Variants in ZMYM6 observed in about 807,000 individuals in gnomAD.
ZMYM6 encodes the protein zinc finger MYM-type protein 6.
ZMYM6 carries 90 observed loss-of-function variants against 134.0 expected under a neutral mutation model. The ratio of observed to expected loss-of-function variants is 0.67; its 90% confidence interval spans 0.57 to 0.80. ZMYM6 has a LOEUF of 0.80. Among genes scored for constraint, ZMYM6 ranks in the 30% least tolerant of loss-of-function variants. The pLI is 0.00. For synonymous variants in ZMYM6, 481 were observed against 524.1 expected (o/e 0.92, Z 1.12); for missense variants, 1,362 against 1,533.9 (o/e 0.89, Z 1.87).
intron 4 of ZMYM6, among the ~76,000 whole-genome samples, chr1:35,016,880 C>CAG (rs1287190913): frequency 3.3e-5 from 5 of 151,552 alleles, no homozygotes; most frequent in Non-Finnish European, 5.9e-5. Context: ...TGGCTCATGC[C>CAG]CATGGTCTCA....
chr1:34,996,632 T>C (rs987618792), intron 14 of ZMYM6, among the ~76,000 whole-genome samples: 1 of 152,226 alleles, frequency 6.6e-6, no homozygotes, highest in Non-Finnish European at 1.5e-5. Context: ...TTGTGTCTTT[T>C]TTCACTTATG....
intron 14 of ZMYM6, among the ~76,000 whole-genome samples, chr1:34,995,216 T>G (rs1199080259): frequency 6.7e-6 from 1 of 148,368 alleles, no homozygotes; most frequent in Non-Finnish European, 1.5e-5. Flanking sequence ...CTAAGTGCTC[T>G]CTCTCTATAT....
chr1:35,019,493 T>G lies in ZMYM6; in HGVS notation c.288A>C (p.Lys96Asn). ...VAIKVFCSGC[K>N]KMLYKGQTAY... ...CAGTTTGGCCCTTATAAAGCATTTTTTTACAACCAGAACAAAAAACCTTAA... is the reference window on the plus strand; with the variant it reads ...CAGTTTGGCCCTTATAAAGCATTTTGTTACAACCAGAACAAAAAACCTTAA... Residue 96 changes from lysine to asparagine, a missense_variant, in exon 4 of 16, where the codon AAA becomes AAC. Lys to Asn is a moderately conservative substitution (Grantham distance 94). Coordinates refer to ENST00000357182, the MANE Select transcript of ZMYM6 (RefSeq NM_007167.4). The G allele has an allele frequency of 3.1e-6, 5 of 1,614,132 alleles. No individual in the cohort carries two copies. Among genetic ancestry groups the G allele is most frequent in the Non-Finnish European group, 4.2e-6 (5 of 1,180,022 alleles).
At chr1:35,028,858 T>C (rs1027569419) in intron 2 of ZMYM6, among the ~76,000 whole-genome samples, 3 of 151,952 alleles carry the variant, frequency 2.0e-5, no homozygotes, top group Non-Finnish European at 4.4e-5. Context: ...GAATGATCTT[T>C]CCAAACACAA....
chr1:35,024,709 G>C (rs74616793), intron 2 of ZMYM6, among the ~76,000 whole-genome samples: 12,046 of 152,000 alleles, frequency 0.079, 910 homozygotes, highest in East Asian at 0.38. Context: ...TATTTTCTCT[G>C]CTATATTTTC....
chr1:35,020,246 A>T (rs1569788426), intron 3 of ZMYM6, 137 bp downstream of exon 3: 1 of 658,546 alleles, frequency 1.5e-6, no homozygotes, highest in South Asian at 2.8e-5. Flanking sequence ...ACGCTGCTGA[A>T]AACCAGCTAC....
At chr1:35,029,256 T>G (rs1021798338) in intron 2 of ZMYM6, among the ~76,000 whole-genome samples, 3 of 152,186 alleles carry the variant, frequency 2.0e-5, no homozygotes, top group Non-Finnish European at 2.9e-5. Context: ...GTCTGCTACG[T>G]CCTACATAAT....
chr1:35,004,168 A>G (rs868384735), intron 13 of ZMYM6, among the ~76,000 whole-genome samples, 163 bp from the exon 14 acceptor site: 3 of 152,230 alleles, frequency 2.0e-5, no homozygotes, highest in Non-Finnish European at 4.4e-5. Context: ...AGGGTGCTTA[A>G]TAACGGTAAG....
intron 14 of ZMYM6, among the ~76,000 whole-genome samples, chr1:35,003,433 A>G (rs953788636): frequency 6.6e-6 from 1 of 152,230 alleles, no homozygotes; most frequent in African/African-American, 2.4e-5. Context: ...TGAAAGTCTA[A>G]ATATATTTTT....
intron 14 of ZMYM6, among the ~76,000 whole-genome samples, chr1:34,994,817 T>C (rs1414835740): frequency 6.6e-6 from 1 of 151,474 alleles, no homozygotes; most frequent in East Asian, 1.9e-4. Flanking sequence ...TCTTATACAG[T>C]TGTTCCCCCT....
intron 2 of ZMYM6, among the ~76,000 whole-genome samples, chr1:35,026,042 A>T (rs74642506): frequency 0.017 from 2,644 of 151,968 alleles, 79 homozygotes; most frequent in African/African-American, 0.06. Flanking sequence ...TTTTTTTTAG[A>T]TGGAGTCTCC....
chr1:34,997,417 G>A (rs999725330), intron 14 of ZMYM6, among the ~76,000 whole-genome samples: 16 of 152,124 alleles, frequency 1.1e-4, no homozygotes, highest in Non-Finnish European at 4.4e-5. Flanking sequence ...AATTCCTCGT[G>A]CCTTAGCCAC....
chr1:35,004,887 G>A (rs534339232), intron 13 of ZMYM6, among the ~76,000 whole-genome samples: 19 of 151,906 alleles, frequency 1.3e-4, no homozygotes, highest in Admixed American at 1.0e-3. Context: ...GTGAAATCCC[G>A]TCTCTACTAA....
chr1:34,991,354 A>G (rs1350518247), intron 15 of ZMYM6, among the ~76,000 whole-genome samples: 23 of 152,208 alleles, frequency 1.5e-4, no homozygotes, highest in Admixed American at 1.5e-3. Context: ...TTTCCTGAGG[A>G]AGGAAAACAG....
chr1:34,993,247 G>C (rs1386773619), intron 14 of ZMYM6, among the ~76,000 whole-genome samples: 2 of 151,944 alleles, frequency 1.3e-5, no homozygotes, highest in African/African-American at 4.8e-5. Flanking sequence ...GAGTAGCTGG[G>C]ACCACAGGCG....
Position 34,988,872 on chromosome 1 carries a change from C to G in ZMYM6, c.2210G>C (p.Arg737Thr), listed in dbSNP as rs61741445. ...ELDSPPSKKK[R>T]LGFFQTYDTE... ...ATCATAAGTCTGGAAAAAACCTAAT[C>G]TTTTTTTCTTTGAAGGTGGAGAATC... is the stretch of plus-strand genomic sequence containing the variant. The change falls in exon 16 of 16, where the codon AGA (arginine) becomes ACA (threonine). Residue 737 changes from arginine to threonine, a missense_variant. Physicochemically the swap from Arg to Thr is moderately conservative, Grantham distance 71 (BLOSUM62 -1). Transcript: ENST00000357182. 1.6e-3 allele frequency: 2,657 copies of G among 1,610,374 alleles called. 25 individuals carry two copies. Among genetic ancestry groups the G allele is most frequent in the South Asian group, 0.01 (905 of 90,212 alleles).
chr1:35,030,373 A>G, intron 2 of ZMYM6, 174 bp downstream of exon 2: 1 of 593,274 alleles, frequency 1.7e-6, no homozygotes, highest in Non-Finnish European at 2.9e-6. Context: ...TGGAGGCTGC[A>G]GTGAGCTAAG....
intron 6 of ZMYM6, 43 bp from the exon 7 acceptor site, chr1:35,012,624 A>T (rs755543212): frequency 6.3e-7 from 1 of 1,588,136 alleles, no homozygotes. Flanking sequence ...ACAAACATAC[A>T]TATTTACATA....
chr1:35,028,778 C>A (rs1260438666), intron 2 of ZMYM6, among the ~76,000 whole-genome samples: 1 of 151,624 alleles, frequency 6.6e-6, no homozygotes, highest in South Asian at 2.1e-4. Flanking sequence ...GGATTACAGA[C>A]GTGAGCCACT....
Sources: allele counts gnomAD v4.1 joint callset (sites outside exome capture counted in the v4.1 genomes callset), GRCh38; gene constraint gnomAD v4.1.1; transcripts MANE v1.5; gene names NCBI Gene and HGNC (gene_info 2026-07-23, HGNC 2026-07-21).